The following EVC variants were observed in gnomAD, a reference collection of about 807,000 sequenced individuals.
The protein encoded by EVC is EvC ciliary complex subunit 1.
A neutral mutation model predicts 118.9 loss-of-function variants in EVC; 116 were observed. The observed-to-expected ratio is 0.98, with a 90% CI of 0.84 to 1.14. EVC has a LOEUF of 1.14. Among genes scored for constraint, EVC ranks in the 50% most tolerant of loss-of-function variants. The probability of loss-of-function intolerance (pLI) is 0.00; values close to 1 mark genes in which losing one functional copy is unlikely to be tolerated. For missense variants in EVC, 1,401 were observed against 1,246.4 expected, an observed-to-expected ratio of 1.12 and a Z score of -1.87; for synonymous variants, 619 against 534.7, an observed-to-expected ratio of 1.16 and a Z score of -2.18.
chr4:5,805,173 C>T (rs1277968320), intron 17 of EVC, among the ~76,000 whole-genome samples: 2 of 152,108 alleles, frequency 1.3e-5, no homozygotes, highest in African/African-American at 2.4e-5. Flanking sequence ...CAGACCTTGA[C>T]GAGGATTTGG....
the EVC span, among the ~76,000 whole-genome samples, chr4:5,823,444 A>G: frequency 4.6e-5 from 7 of 152,332 alleles, no homozygotes; most frequent in Non-Finnish European, 7.3e-5. Flanking sequence ...TACCTGCTGG[A>G]AAAAAGGACA....
Position 5,742,037 on chromosome 4 carries a change from T to C in EVC, c.801+223T>C, listed in dbSNP as rs116167025. 5.0e-3 allele frequency among the ~76,000 whole-genome samples: 755 copies of C among 151,984 alleles called. 5 individuals carry two copies. Among genetic ancestry groups the C allele is most frequent in the African/African-American group, 0.017 (715 of 41,420 alleles). On this transcript the variant is annotated intron_variant, in intron 6 of 20. Coordinates refer to ENST00000264956, the MANE Select transcript of EVC (RefSeq NM_153717.3). The surrounding 1 kb of genome is among the most constrained non-coding windows in gnomAD (Gnocchi z 5.2). Reference sequence around the variant, plus strand: ...ATAGCAAAGAGAATAATATTGGTCATATCTACTACTCAAAGACGGTCACTG... The same window carrying C: ...ATAGCAAAGAGAATAATATTGGTCACATCTACTACTCAAAGACGGTCACTG...
the EVC span, among the ~76,000 whole-genome samples, chr4:5,824,002 C>T: frequency 6.6e-6 from 1 of 152,190 alleles, no homozygotes; most frequent in Non-Finnish European, 1.5e-5. Context: ...TGGCTGACAG[C>T]AGTGGTGCTG....
At chr4:5,757,839 A>T (rs1181700515) in intron 11 of EVC, among the ~76,000 whole-genome samples, 2 of 147,066 alleles carry the variant, frequency 1.4e-5, no homozygotes, top group African/African-American at 5.4e-5. Context: ...TTGATTACTT[A>T]ATTACCTCCA....
At chr4:5,809,705 C>G (rs1577668922) in intron 19 of EVC, 94 bp downstream of exon 19, 1 of 1,171,458 alleles carries the variant, frequency 8.5e-7, no homozygotes, top group East Asian at 2.5e-5. Flanking sequence ...GCTGTGTGAC[C>G]TTAGGCATCG....
rs1730042358 is a variant in EVC at position 5,749,611 on chromosome 4, C to T, written c.1098+1305C>T. On this transcript the variant is annotated intron_variant, in intron 8 of 20. Coordinates refer to ENST00000264956, the MANE Select transcript of EVC (RefSeq NM_153717.3). This position sits in a 1 kb window ranked among gnomAD's most constrained non-coding sequence, Gnocchi z 4.4. ...CTAGATGCTGAGTGACTCCTAACACCCCAGTCACCATTGGGTTCCTCTTGG... is the reference window on the plus strand; with the variant it reads ...CTAGATGCTGAGTGACTCCTAACACTCCAGTCACCATTGGGTTCCTCTTGG... 6.6e-6 allele frequency among the ~76,000 whole-genome samples: 1 copy of T among 152,130 alleles called. No individual in the cohort carries two copies. The highest frequency in any genetic ancestry group is 2.4e-5 in the African/African-American group (1 of 41,424).
At chr4:5,723,012 G>T (rs997672137) in intron 2 of EVC, among the ~76,000 whole-genome samples, 7 of 152,054 alleles carry the variant, frequency 4.6e-5, no homozygotes, top group Non-Finnish European at 1.0e-4. Flanking sequence ...TCATCCCCTG[G>T]CAGAGACCAT....
chr4:5,752,724 C>T (rs761135750), intron 8 of EVC, 112 bp from the exon 9 acceptor site: 97 of 1,082,864 alleles, frequency 9.0e-5, no homozygotes, highest in Non-Finnish European at 1.3e-4. Context: ...TCCGCTCTCC[C>T]AGGCAGTGCC....
In EVC at chr4:5,802,018, G is replaced by C; in HGVS notation, c.2373G>C (p.Gln791His). The change falls in exon 16 of 21, where the codon CAG becomes CAC. Residue 791 changes from glutamine (Q) to histidine (H), a missense_variant. Physicochemically the swap from Gln to His is conservative, Grantham distance 24. Transcript: ENST00000264956. ...VTSAGVSRLVQAYYQQIGRIM... is the reference protein window; with the variant it reads ...VTSAGVSRLVHAYYQQIGRIM... ...GCGCTGGTGTCAGCCGCCTGGTGCA[G>C]GCGTATTACCAGCAAATCGGAAGGA... is the stretch of plus-strand genomic sequence containing the variant. 1.2e-6 allele frequency: 2 copies of C among 1,614,216 alleles called. No homozygotes were observed. The highest frequency in any genetic ancestry group is 1.7e-6 in the Non-Finnish European group (2 of 1,180,044).
rs1560340729 is a variant in EVC, at chr4:5,752,996, A to T, written c.1259A>T (p.Glu420Val). ...EGKLSGRQKE[E>V]LLTQQHKAFW... ...AAGCTGTCCGGGCGGCAGAAGGAGGAGCTGCTCACGCAGCAGCACAAGGCC... is the reference window on the plus strand; with the variant it reads ...AAGCTGTCCGGGCGGCAGAAGGAGGTGCTGCTCACGCAGCAGCACAAGGCC... The change falls in exon 9 of 21, where the codon GAG becomes GTG. Residue 420 changes from glutamate (E) to valine (V), a missense_variant. By Grantham distance (121) the Glu-to-Val change is moderately radical (BLOSUM62 -2). Coordinates refer to ENST00000264956, the MANE Select transcript of EVC (RefSeq NM_153717.3). 1 of 1,613,072 alleles carries T rather than the reference A, an allele frequency of 6.2e-7. No homozygotes were observed.
intron 11 of EVC, among the ~76,000 whole-genome samples, chr4:5,767,823 C>T (rs2152179064): frequency 6.6e-6 from 1 of 152,292 alleles, no homozygotes; most frequent in East Asian, 1.9e-4. Flanking sequence ...GTGAGATGAA[C>T]CCAGTACCTC....
the EVC span, chr4:5,825,665 C>G: frequency 3.1e-6 from 5 of 1,612,502 alleles, no homozygotes; most frequent in African/African-American, 1.3e-5. The surrounding 1 kb of genome is among the most constrained non-coding windows in gnomAD (Gnocchi z 4.4). Flanking sequence ...AAAACCTAAA[C>G]AGAGGAAGGG....
rs1729192529 is a variant in EVC, at chr4:5,745,276, G to A, written c.874G>A (p.Glu292Lys). The change falls in exon 7 of 21, where the codon GAG (glutamate) becomes AAG (lysine). Residue 292 changes from glutamate to lysine, a missense_variant. Physicochemically the swap from Glu to Lys is moderately conservative, Grantham distance 56. Coordinates refer to ENST00000264956, the MANE Select transcript of EVC (RefSeq NM_153717.3). The part of the protein sequence containing the change: ...NTEMSGAGDS[E>K]YITLADVEKK... The stretch of plus-strand genomic sequence containing the variant: ...AGAAATGTCGGGGGCTGGTGACTCT[G>A]AGTACATCACCCTGGCTGATGTGGA... 1.2e-6 allele frequency: 2 copies of A among 1,613,852 alleles called. No individual in the cohort carries two copies. Among genetic ancestry groups the A allele is most frequent in the African/African-American group, 2.7e-5 (2 of 74,882 alleles).
At chr4:5,760,957 C>A (rs1324217294) in intron 11 of EVC, among the ~76,000 whole-genome samples, 2 of 152,166 alleles carry the variant, frequency 1.3e-5, no homozygotes, top group African/African-American at 4.8e-5. Flanking sequence ...GGTCGCCTGG[C>A]ATATTTTACA....
chr4:5,824,915 G>A, the EVC span: 1 of 985,422 alleles, frequency 1.0e-6, no homozygotes, highest in African/African-American at 1.7e-5. Flanking sequence ...GAGGGATCAG[G>A]TCAACATCTA....
chr4:5,813,999 T>C lies in EVC; in HGVS notation c.*2962T>C, dbSNP rs1440529593. On this transcript the variant is annotated 3_prime_UTR_variant, in exon 21 of 21. Coordinates refer to ENST00000264956, the MANE Select transcript of EVC (RefSeq NM_153717.3). ...CCTGATTAAAATGAGATATGGCTAT[T>C]TGGAAGACACTGCATTTTAGCCAGT... The C allele has an allele frequency of 6.6e-6, 1 of 152,184 alleles. No individual in the cohort carries two copies. The highest frequency in any genetic ancestry group is 1.5e-5 in the Non-Finnish European group (1 of 68,034). The allele number at this position is 152,184 out of a possible 1,614,324, so 9.4% of individuals were successfully genotyped here.
At chr4:5,802,390 C>A (rs1715169287) in intron 16 of EVC, among the ~76,000 whole-genome samples, 1 of 152,084 alleles carries the variant, frequency 6.6e-6, no homozygotes. Context: ...GCAGCAGTCC[C>A]CAGCCTTTTC....
downstream of EVC, among the ~76,000 whole-genome samples, chr4:5,815,830 C>G (rs1717584850): frequency 6.6e-6 from 1 of 152,210 alleles, no homozygotes; most frequent in African/African-American, 2.4e-5. Flanking sequence ...CACATGCCAC[C>G]TGGCATATAA....
At chr4:5,769,857 T>A (rs1733674932) in intron 11 of EVC, among the ~76,000 whole-genome samples, 1 of 152,110 alleles carries the variant, frequency 6.6e-6, no homozygotes, top group African/African-American at 2.4e-5. Context: ...TAACAGGTGC[T>A]TATGAAGTGT....
Sources: allele counts gnomAD v4.1 joint callset (sites outside exome capture counted in the v4.1 genomes callset), GRCh38; gene constraint gnomAD v4.1.1; non-coding constraint Gnocchi (gnomAD v3.1); transcripts MANE v1.5; gene names NCBI Gene and HGNC (gene_info 2026-07-23, HGNC 2026-07-21).